The following PCNT variants were observed in gnomAD, a reference collection of about 807,000 sequenced individuals.
The protein encoded by PCNT is pericentrin.
Under a neutral mutation model 380.4 loss-of-function variants are expected in PCNT, and 319 were observed. The observed-to-expected ratio is 0.84, with a 90% CI of 0.77 to 0.92. The LOEUF (loss-of-function observed/expected upper bound fraction) is 0.92. Among genes scored for constraint, PCNT ranks in the 40% least tolerant of loss-of-function variants. The probability of loss-of-function intolerance (pLI) is 0.00; values close to 1 mark genes in which losing one functional copy is unlikely to be tolerated. For synonymous variants in PCNT, 1,845 were observed against 1,735.2 expected, an observed-to-expected ratio of 1.06 and a Z score of -1.57; for missense variants, 4,400 against 4,255.3, an observed-to-expected ratio of 1.03 and a Z score of -0.95.
chr21:46,438,945 A>T (rs985358351), intron 41 of PCNT, among the ~76,000 whole-genome samples: 1 of 152,130 alleles, frequency 6.6e-6, no homozygotes, highest in Non-Finnish European at 1.5e-5. Flanking sequence ...CTGGGATTAC[A>T]GACATGAGCC....
Position 46,416,646 on chromosome 21 carries a change from C to T in PCNT, c.6728C>T (p.Pro2243Leu), listed in dbSNP as rs867437931. The T allele has an allele frequency of 6.4e-7, 1 of 1,565,646 alleles. No individual in the cohort carries two copies. Among genetic ancestry groups the T allele is most frequent in the Non-Finnish European group, 8.6e-7 (1 of 1,157,492 alleles). The change falls in exon 30 of 47, where the codon CCC (proline) becomes CTC (leucine). Residue 2243 changes from proline to leucine, a missense_variant. By Grantham distance (98) the Pro-to-Leu change is moderately conservative. Coordinates refer to ENST00000359568, the MANE Select transcript of PCNT (RefSeq NM_006031.6). ...ACCCTGGAGCCCTGGCCCAGCCTCC[C>T]CGTGACACCCCACTCAGGAGCCCTG... is the stretch of plus-strand genomic sequence containing the variant. ...DWTLEPWPSL[P>L]VTPHSGALSL...
At chr21:46,343,080 G>A (rs2083955069) in intron 3 of PCNT, among the ~76,000 whole-genome samples, 1 of 152,074 alleles carries the variant, frequency 6.6e-6, no homozygotes, top group Non-Finnish European at 1.5e-5. Flanking sequence ...GAGTCTCCAG[G>A]GTTTTGTAGG....
At chr21:46,408,505 T>C (rs1343438048) in intron 27 of PCNT, among the ~76,000 whole-genome samples, 1 of 152,220 alleles carries the variant, frequency 6.6e-6, no homozygotes, top group East Asian at 1.9e-4. Flanking sequence ...CACTACCGTT[T>C]TACATTCCAC....
At chr21:46,377,934 C>T (rs979228220) in intron 15 of PCNT, among the ~76,000 whole-genome samples, 9 of 151,964 alleles carry the variant, frequency 5.9e-5, no homozygotes, top group Non-Finnish European at 1.3e-4. Flanking sequence ...GTCTGCTTGC[C>T]GTACCTGTGG....
chr21:46,398,096 C>T lies in PCNT; in HGVS notation c.4529C>T (p.Ala1510Val). 2 of 1,599,980 alleles carry T rather than the reference C, an allele frequency of 1.3e-6. No individual in the cohort carries two copies. Among genetic ancestry groups the T allele is most frequent in the Non-Finnish European group, 8.5e-7 (1 of 1,174,518 alleles). ...QRLEGQLRQA[A>V]KPQPWGPRDS... is the part of the protein sequence containing the mutation. ...CTGGAGGGGCAGCTCCGCCAGGCGG[C>T]CAAGCCGCAGCCCTGGGGCCCTCGC... Residue 1510 changes from alanine to valine, a missense_variant, in exon 23 of 47, where the codon GCC becomes GTC. Ala to Val is a moderately conservative substitution (Grantham distance 64, BLOSUM62 0). Transcript: ENST00000359568.
At position 46,381,875 on chromosome 21, in the gene PCNT, G is replaced by A. The variant is rs140923662; in HGVS notation, c.3312+35G>A. On this transcript the variant is annotated intron_variant, in intron 16 of 46. Coordinates refer to ENST00000359568, the MANE Select transcript of PCNT (RefSeq NM_006031.6). ...ATACGCTGTTCCCTTGTGATAAGAC[G>A]TGTATAGCATAAAAATCATTTTCAC... The A allele has an allele frequency of 2.4e-5, 39 of 1,609,512 alleles. 1 individual carries two copies. Among genetic ancestry groups the A allele is most frequent in the South Asian group, 1.3e-4 (12 of 90,932 alleles).
At chr21:46,365,650 C>A (rs1212437340) in intron 14 of PCNT, among the ~76,000 whole-genome samples, 2 of 148,324 alleles carry the variant, frequency 1.3e-5, no homozygotes, top group African/African-American at 5.0e-5. Context: ...GGGTTCTATT[C>A]ACTGCCATGG....
intron 3 of PCNT, among the ~76,000 whole-genome samples, chr21:46,339,395 A>G (rs1277024593): frequency 6.6e-6 from 1 of 152,226 alleles, no homozygotes; most frequent in Non-Finnish European, 1.5e-5. Flanking sequence ...TTAGAGGGAC[A>G]GAACTAAAAG....
At chr21:46,443,329 T>C (rs1176073918) in intron 44 of PCNT, among the ~76,000 whole-genome samples, 1 of 152,250 alleles carries the variant, frequency 6.6e-6, no homozygotes, top group African/African-American at 2.4e-5. Flanking sequence ...GCCATCCTCC[T>C]GTGTCAGCCT....
intron 21 of PCNT, 135 bp downstream of exon 21, chr21:46,391,511 C>A: frequency 1.4e-6 from 1 of 728,246 alleles, no homozygotes; most frequent in Non-Finnish European, 2.2e-6. Flanking sequence ...TCTCCTGGAA[C>A]ACTGGGCATG....
At chr21:46,356,081 G>A (rs1011741763) in intron 12 of PCNT, among the ~76,000 whole-genome samples, 1 of 152,224 alleles carries the variant, frequency 6.6e-6, no homozygotes, top group African/African-American at 2.4e-5. Flanking sequence ...GGGGTCAGAA[G>A]GTGACGGAGA....
intron 31 of PCNT, among the ~76,000 whole-genome samples, chr21:46,421,273 G>A (rs1263778976): frequency 2.6e-5 from 4 of 152,084 alleles, no homozygotes; most frequent in Non-Finnish European, 4.4e-5. Context: ...TTGTCCACAC[G>A]GGGGCCCCGT....
At chr21:46,347,881 C>G (rs898315108) in intron 6 of PCNT, among the ~76,000 whole-genome samples, 1 of 152,132 alleles carries the variant, frequency 6.6e-6, no homozygotes, top group Non-Finnish European at 1.5e-5. Flanking sequence ...GGGGAGAATA[C>G]CACACAGGGA....
intron 15 of PCNT, among the ~76,000 whole-genome samples, chr21:46,374,884 C>T (rs893032727): frequency 2.6e-5 from 4 of 151,508 alleles, no homozygotes; most frequent in African/African-American, 7.3e-5. Flanking sequence ...TACACAGAGC[C>T]CTGCCAAGCC....
chr21:46,400,112 A>G (rs2094715902), intron 25 of PCNT, among the ~76,000 whole-genome samples: 1 of 152,242 alleles, frequency 6.6e-6, no homozygotes, highest in Admixed American at 6.5e-5. Flanking sequence ...AAAAAATCTT[A>G]GCTTATTAAA....
intron 9 of PCNT, among the ~76,000 whole-genome samples, chr21:46,352,525 G>A (rs9983528): frequency 0.12 from 18,284 of 152,224 alleles, 1,215 homozygotes; most frequent in South Asian, 0.21. Context: ...TGGGGTGCCC[G>A]TTGCTGGCTG....
intron 1 of PCNT, 123 bp from the exon 2 acceptor site, chr21:46,326,254 G>A: frequency 1.2e-6 from 1 of 807,550 alleles, no homozygotes; most frequent in Non-Finnish European, 2.1e-6. Context: ...TTGGCCAGGT[G>A]TGGCAGAGTA....
Position 46,355,519 on chromosome 21 carries a change from C to G in PCNT, c.1829C>G (p.Ser610Cys). The change falls in exon 12 of 47, where the codon TCT becomes TGT. Residue 610 changes from serine to cysteine, a missense_variant. By Grantham distance (112) the Ser-to-Cys change is moderately radical. Transcript: ENST00000359568. Reference protein sequence around the residue: ...SHRHQLEALESPLCIQHEGHV... With the variant: ...SHRHQLEALECPLCIQHEGHV... ...AGGCACCAGCTGGAAGCGCTGGAGT[C>G]TCCCCTCTGCATCCAGCACGAGGGG... 1 of 1,614,068 alleles carries G rather than the reference C, an allele frequency of 6.2e-7. No homozygotes were observed. Among genetic ancestry groups the G allele is most frequent in the Non-Finnish European group, 8.5e-7 (1 of 1,179,986 alleles).
Position 46,432,093 on chromosome 21 carries a change from C to T in PCNT, c.8629C>T (p.Gln2877Ter). 6.2e-7 allele frequency: 1 copy of T among 1,614,120 alleles called. No individual in the cohort carries two copies. Among genetic ancestry groups the T allele is most frequent in the Non-Finnish European group, 8.5e-7 (1 of 1,180,042 alleles). Reference sequence around the variant, plus strand: ...AGCGTGGTTGCAGGCAGAATTAGAGCAGTCACACCCACGGTTGAAAGAGCA... The same window carrying T: ...AGCGTGGTTGCAGGCAGAATTAGAGTAGTCACACCCACGGTTGAAAGAGCA... ...KPAWLQAELE[Q>*]SHPRLKEQEG... The change falls in exon 38 of 47, where the codon CAG (glutamine) becomes TAG (stop). Residue 2877 changes from glutamine to a stop codon, truncating the protein, a stop_gained. Coordinates refer to ENST00000359568, the MANE Select transcript of PCNT (RefSeq NM_006031.6). LOFTEE classifies it high-confidence loss of function.
Sources: allele counts gnomAD v4.1 joint callset (sites outside exome capture counted in the v4.1 genomes callset), GRCh38; gene constraint gnomAD v4.1.1; transcripts MANE v1.5; gene names NCBI Gene and HGNC (gene_info 2026-07-23, HGNC 2026-07-21).